Variants in PRMT8 observed in about 807,000 individuals in gnomAD.
PRMT8 encodes protein arginine methyltransferase 8, also known as protein arginine N-methyltransferase 8.
Under a neutral mutation model 47.1 loss-of-function variants are expected in PRMT8, and 7 were observed. The ratio of observed to expected loss-of-function variants is 0.15; its 90% CI spans 0.08 to 0.28. PRMT8 has a LOEUF of 0.28. Among genes scored for constraint, PRMT8 ranks in the 10% least tolerant of loss-of-function variants. The pLI is 1.00. For missense variants in PRMT8, 237 were observed against 505.4 expected, an observed-to-expected ratio of 0.47 and a Z score of 5.09; for synonymous variants, 188 against 186.5, an observed-to-expected ratio of 1.01 and a Z score of -0.07.
chr12:3,542,916 G>A (rs1017372809), intron 2 of PRMT8, among the ~76,000 whole-genome samples: 1 of 152,240 alleles, frequency 6.6e-6, no homozygotes, highest in Non-Finnish European at 1.5e-5. Context: ...AGTCATTCAG[G>A]CGATGCCTGG....
rs551224161 is a variant in PRMT8 at position 3,449,558 on chromosome 12, T to A, written c.48+68116T>A. 3.3e-5 allele frequency among the ~76,000 whole-genome samples: 5 copies of A among 152,364 alleles called. No individual in the cohort carries two copies. In the South Asian group the frequency reaches 1.0e-3, roughly 32 times the overall value. ...TTCTTTTGAGAAATGTCTGTTCATGTCCTTTGGCCACTTTTTAATGGGGTT... is the reference window on the plus strand; with the variant it reads ...TTCTTTTGAGAAATGTCTGTTCATGACCTTTGGCCACTTTTTAATGGGGTT... On this transcript the variant is annotated intron_variant, in intron 1 of 9. Coordinates refer to the PRMT8 transcript ENST00000452611.
In PRMT8 at chr12:3,438,114, G is replaced by GCCTCA. The variant is rs113779438; in HGVS notation, c.48+56673_48+56677dup. Among the ~76,000 whole-genome samples the GCCTCA allele has an allele frequency of 5.2e-3, 785 of 152,316 alleles. 7 individuals are homozygous for GCCTCA. Among genetic ancestry groups the GCCTCA allele is most frequent in the African/African-American group, 0.017 (727 of 41,566 alleles). On this transcript the variant is annotated intron_variant, in intron 1 of 9. Transcript: ENST00000452611. ...GGGGAGCCTGGGGAAGTCCTGGGCA[G>GCCTCA]CCTCAGAGCCTCCTGCTTCTGCTCT...
At chr12:3,461,341 G>A (rs1228001363) in intron 1 of PRMT8, among the ~76,000 whole-genome samples, 2 of 152,200 alleles carry the variant, frequency 1.3e-5, no homozygotes, top group African/African-American at 4.8e-5. Context: ...GAAAAGTGAG[G>A]CTATGAGCTG....
At position 3,420,757 on chromosome 12, in the gene PRMT8, C is replaced by A. The variant is rs947935876; in HGVS notation, c.48+39315C>A. ...TGTCTAGAACAGCCTGATTTCCTCC[C>A]AGTAAGTTCCATCTGTGCTCTTTAG... On this transcript the variant is annotated intron_variant, in intron 1 of 9. Transcript: ENST00000452611. 2.0e-5 allele frequency among the ~76,000 whole-genome samples: 3 copies of A among 152,204 alleles called. No homozygotes were observed. The East Asian group carries it at 5.8e-4, about 29-fold the overall frequency.
Position 3,552,686 on chromosome 12 carries a change from C to A in PRMT8, c.418-965C>A. 2.2e-6 allele frequency: 1 copy of A among 458,426 alleles called. No homozygotes were observed. Among genetic ancestry groups the A allele is most frequent in the Non-Finnish European group, 4.4e-6 (1 of 227,890 alleles). 28.4% of individuals were successfully genotyped at this position (458,426 alleles called of 1,614,324 possible). On this transcript the variant is annotated intron_variant, in intron 3 of 9. Coordinates refer to ENST00000382622, the MANE Select transcript of PRMT8 (RefSeq NM_019854.5). The surrounding 1 kb of genome is among the most constrained non-coding windows in gnomAD (Gnocchi z 4.5). Reference sequence around the variant, plus strand: ...TTGGATGCAGCTCTAACCAAGTGACCCCTTCTGACCCCGTAGGTGCCCTCA... The same window carrying A: ...TTGGATGCAGCTCTAACCAAGTGACACCTTCTGACCCCGTAGGTGCCCTCA...
chr12:3,548,538 C>A (rs1866364894), intron 2 of PRMT8, among the ~76,000 whole-genome samples: 1 of 151,872 alleles, frequency 6.6e-6, no homozygotes, highest in Admixed American at 6.6e-5. Context: ...AGGCACTTCA[C>A]AAAAGATGAT....
intron 1 of PRMT8, among the ~76,000 whole-genome samples, chr12:3,438,073 ACAGCCACCTCCGAGTG>A (rs1234522168): frequency 7.2e-5 from 11 of 152,238 alleles, no homozygotes; most frequent in African/African-American, 2.6e-4. Flanking sequence ...AGAAAAAGGC[ACAGCCACCTCCGAGTG>A]GGGAGCCTGG....
At chr12:3,467,615 A>G (rs1267534739) in intron 1 of PRMT8, among the ~76,000 whole-genome samples, 1 of 152,210 alleles carries the variant, frequency 6.6e-6, no homozygotes, top group African/African-American at 2.4e-5. Flanking sequence ...GGCCTCCAAG[A>G]CCAGCTTAAG....
At chr12:3,588,858 AC>A (rs993268129) in intron 8 of PRMT8, among the ~76,000 whole-genome samples, 5 of 152,220 alleles carry the variant, frequency 3.3e-5, no homozygotes, top group Non-Finnish European at 7.3e-5. Flanking sequence ...AGCCAGTTGT[AC>A]AATCTGGATG....
At chr12:3,591,698 G>A (rs1299709189) in intron 8 of PRMT8, among the ~76,000 whole-genome samples, 2 of 152,138 alleles carry the variant, frequency 1.3e-5, no homozygotes, top group Non-Finnish European at 2.9e-5. Context: ...GTGCCCAGCA[G>A]GAAAAGCTAG....
chr12:3,480,279 G>A lies in PRMT8; in HGVS notation c.49-60327G>A, dbSNP rs534428670. On this transcript the variant is annotated intron_variant, in intron 1 of 9. Transcript: ENST00000452611. ...AACAACCTGGAAGGTAGGTAGGGTTGGTTATTCTTGAGGCCCAAGTGCCTG... is the reference window on the plus strand; with the variant it reads ...AACAACCTGGAAGGTAGGTAGGGTTAGTTATTCTTGAGGCCCAAGTGCCTG... 1.4e-4 allele frequency among the ~76,000 whole-genome samples: 21 copies of A among 152,280 alleles called. No individual in the cohort carries two copies. The South Asian group carries it at 4.4e-3, about 32-fold the overall frequency.
At chr12:3,577,684 T>G (rs7301940) in intron 7 of PRMT8, among the ~76,000 whole-genome samples, 1 of 152,140 alleles carries the variant, frequency 6.6e-6, no homozygotes, top group African/African-American at 2.4e-5. Context: ...TGGGATTTTT[T>G]TTTTAGCTCA....
intron 1 of PRMT8, among the ~76,000 whole-genome samples, chr12:3,534,367 G>A (rs1286147214): frequency 6.6e-6 from 1 of 152,208 alleles, no homozygotes; most frequent in African/African-American, 2.4e-5. Flanking sequence ...GGTGCAGAGA[G>A]TGCTGGCTTC....
At chr12:3,404,382 T>TA (rs776080465) in intron 1 of PRMT8, among the ~76,000 whole-genome samples, 8 of 152,220 alleles carry the variant, frequency 5.3e-5, no homozygotes, top group African/African-American at 9.6e-5. Flanking sequence ...GTATTCTAAC[T>TA]AAAAAACATA....
chr12:3,417,783 G>A (rs2137059265), intron 1 of PRMT8, among the ~76,000 whole-genome samples: 1 of 152,284 alleles, frequency 6.6e-6, no homozygotes, highest in South Asian at 2.1e-4. Context: ...TGGCACCTGG[G>A]AAGAGAAGAG....
At position 3,550,177 on chromosome 12, in the gene PRMT8, A is replaced by T. The variant is rs929186998; in HGVS notation, c.417+86A>T. ...CTCCACCCGCCCTTCTAGAAGTACAAAATTTGGTCCATCTCTTTTGCTGGG... is the reference window on the plus strand; with the variant it reads ...CTCCACCCGCCCTTCTAGAAGTACATAATTTGGTCCATCTCTTTTGCTGGG... On this transcript the variant is annotated intron_variant, in intron 3 of 9. Coordinates refer to ENST00000382622, the MANE Select transcript of PRMT8 (RefSeq NM_019854.5). The surrounding 1 kb of genome is among the most constrained non-coding windows in gnomAD (Gnocchi z 5.1). 25 of 1,549,558 alleles carry T rather than the reference A, an allele frequency of 1.6e-5. No individual in the cohort carries two copies. The highest frequency in any genetic ancestry group is 1.9e-5 in the Non-Finnish European group (22 of 1,138,110).
At chr12:3,506,939 C>T (rs546057601) in intron 1 of PRMT8, among the ~76,000 whole-genome samples, 12 of 152,010 alleles carry the variant, frequency 7.9e-5, no homozygotes, top group East Asian at 1.9e-4. Context: ...TTAAATTCCC[C>T]GTCTTCTTGG....
At chr12:3,560,846 C>G (rs780288689) in intron 4 of PRMT8, among the ~76,000 whole-genome samples, 1 of 152,074 alleles carries the variant, frequency 6.6e-6, no homozygotes, top group African/African-American at 2.4e-5. Flanking sequence ...CTCTATTTGC[C>G]CCCTTTAGAG....
At chr12:3,524,484 A>C in intron 1 of PRMT8, among the ~76,000 whole-genome samples, 1 of 151,890 alleles carries the variant, frequency 6.6e-6, no homozygotes, top group Non-Finnish European at 1.5e-5. Flanking sequence ...AAAGAAGTTT[A>C]GTCTAAGATG....
Sources: gnomAD v4.1 joint callset for allele counts (sites outside exome capture counted in the v4.1 genomes callset) on GRCh38, gnomAD v4.1.1 for gene constraint, Gnocchi (gnomAD v3.1) non-coding constraint, MANE v1.5 for transcripts, NCBI Gene and HGNC (gene_info 2026-07-23, HGNC 2026-07-21) for gene names.